GSAP: variants seen among roughly 807,000 people sequenced by gnomAD.
GSAP encodes the protein gamma-secretase activating protein.
GSAP carries 118 observed loss-of-function variants against 131.7 expected under a neutral mutation model. That is an observed-to-expected ratio of 0.90 (90% CI 0.77 to 1.04). The LOEUF (loss-of-function observed/expected upper bound fraction) is 1.04, where lower values mean the gene tolerates loss of function less well. GSAP is among the 50% of genes least tolerant of loss of function. The probability of loss-of-function intolerance (pLI) is 0.00; values close to 1 mark genes in which losing one functional copy is unlikely to be tolerated. For missense variants in GSAP, 1,019 were observed against 1,013.2 expected, an observed-to-expected ratio of 1.01 and a Z score of -0.08; for synonymous variants, 381 against 363.4, an observed-to-expected ratio of 1.05 and a Z score of -0.55.
At chr7:77,365,779 T>C (rs948839884) in intron 12 of GSAP, among the ~76,000 whole-genome samples, 1 of 152,140 alleles carries the variant, frequency 6.6e-6, no homozygotes, top group Non-Finnish European at 1.5e-5. Flanking sequence ...CAATAGTAGT[T>C]CTGCTGTTAG....
intron 19 of GSAP, among the ~76,000 whole-genome samples, chr7:77,335,421 C>T (rs895731853): frequency 3.3e-5 from 5 of 152,064 alleles, no homozygotes; most frequent in African/African-American, 1.2e-4. Context: ...AAGAAAAATA[C>T]CCCTGAATTA....
chr7:77,341,400 T>C (rs955785514), intron 19 of GSAP, among the ~76,000 whole-genome samples: 1 of 152,136 alleles, frequency 6.6e-6, no homozygotes, highest in Non-Finnish European at 1.5e-5. Context: ...TCCCACCCTA[T>C]AATCCTTTTA....
At chr7:77,384,774 T>A (rs2151056783) in intron 6 of GSAP, among the ~76,000 whole-genome samples, 1 of 152,166 alleles carries the variant, frequency 6.6e-6, no homozygotes, top group East Asian at 1.9e-4. Context: ...ATGGATGTTT[T>A]TGTAAGAAAA....
At chr7:77,328,063 G>A (rs941960183) in intron 22 of GSAP, 1 of 264,354 alleles carries the variant, frequency 3.8e-6, no homozygotes, top group African/African-American at 2.3e-5. Context: ...TAAGTGACTT[G>A]CCCAGGAGCA....
At chr7:77,343,181 G>A (rs1013345680) in intron 19 of GSAP, among the ~76,000 whole-genome samples, 5 of 145,136 alleles carry the variant, frequency 3.4e-5, no homozygotes, top group Non-Finnish European at 7.4e-5. Context: ...TGTGGCAGCT[G>A]CCGCGCTTTA....
intron 19 of GSAP, among the ~76,000 whole-genome samples, chr7:77,339,988 G>A (rs1790663233): frequency 6.6e-6 from 1 of 152,156 alleles, no homozygotes; most frequent in Admixed American, 6.5e-5. Context: ...TGACCTACAC[G>A]TATACATCCA....
intron 19 of GSAP, among the ~76,000 whole-genome samples, chr7:77,337,500 A>G (rs919721975): frequency 6.6e-6 from 1 of 152,208 alleles, no homozygotes; most frequent in Admixed American, 6.5e-5. Context: ...CCAGTGAAGA[A>G]GCAGATAAAC....
chr7:77,374,833 A>T (rs2150995102), intron 11 of GSAP, among the ~76,000 whole-genome samples: 1 of 152,334 alleles, frequency 6.6e-6, no homozygotes, highest in African/African-American at 2.4e-5. Context: ...GATGCACTAC[A>T]GAAATAAATG....
At chr7:77,323,027 A>G (rs1167875232) in intron 24 of GSAP, among the ~76,000 whole-genome samples, 2 of 152,188 alleles carry the variant, frequency 1.3e-5, no homozygotes, top group Non-Finnish European at 2.9e-5. Flanking sequence ...GAATTTGTCA[A>G]ACATTATTTC....
Position 77,346,988 on chromosome 7 carries a change from T to TC in GSAP, c.1545+2362dup, listed in dbSNP as rs1266473702. On this transcript the variant is annotated intron_variant, in intron 19 of 30. Coordinates refer to ENST00000257626, the MANE Select transcript of GSAP (RefSeq NM_017439.4). ...TTTCTGATTGCAGATCTTAAGACCC[T>TC]CCCCTAAGAGGGTCCTGCCTCATAC... Among the ~76,000 whole-genome samples, 7 of 92,398 alleles carry TC rather than the reference T, an allele frequency of 7.6e-5. No individual in the cohort carries two copies. In the East Asian group the frequency reaches 2.7e-3, roughly 35 times the overall value. 60.6% of individuals were successfully genotyped at this position (92,398 alleles called of 152,430 possible). A position where few individuals can be genotyped will look rare whatever the true frequency, so the allele number is the denominator to read the frequency against.
intron 5 of GSAP, 152 bp from the exon 6 acceptor site, chr7:77,387,600 G>A (rs1255152273): frequency 5.0e-6 from 3 of 597,260 alleles, no homozygotes; most frequent in Non-Finnish European, 8.9e-6. Flanking sequence ...GTCCTGTGAG[G>A]AGACTGAAAC....
intron 19 of GSAP, among the ~76,000 whole-genome samples, chr7:77,345,274 C>G (rs1046970428): frequency 2.6e-5 from 4 of 152,182 alleles, no homozygotes; most frequent in African/African-American, 7.2e-5. Context: ...ACCACAAAAT[C>G]TTCCTTCAGC....
intron 19 of GSAP, among the ~76,000 whole-genome samples, chr7:77,345,822 A>G (rs1791718398): frequency 6.6e-6 from 1 of 152,110 alleles, no homozygotes; most frequent in African/African-American, 2.4e-5. Flanking sequence ...GGTGATTAAA[A>G]AGCTCTATTG....
chr7:77,387,606 G>A (rs2151073258), intron 5 of GSAP, among the ~76,000 whole-genome samples, 158 bp from the exon 6 acceptor site: 1 of 152,280 alleles, frequency 6.6e-6, no homozygotes, highest in African/African-American at 2.4e-5. Context: ...TGAGGAGACT[G>A]AAACTGTAAA....
At chr7:77,378,089 C>T (rs945059009) in intron 8 of GSAP, among the ~76,000 whole-genome samples, 1 of 152,184 alleles carries the variant, frequency 6.6e-6, no homozygotes, top group African/African-American at 2.4e-5. Context: ...ATGCTATAAG[C>T]CTCCCCCAGT....
chr7:77,399,686 T>G (rs184576134), intron 3 of GSAP, among the ~76,000 whole-genome samples: 59 of 142,450 alleles, frequency 4.1e-4, no homozygotes, highest in African/African-American at 1.1e-3. Context: ...GTGAGACCAT[T>G]AACTCAAAAC....
chr7:77,391,998 G>A (rs900646071), intron 5 of GSAP, among the ~76,000 whole-genome samples: 1 of 152,282 alleles, frequency 6.6e-6, no homozygotes, highest in African/African-American at 2.4e-5. Flanking sequence ...GCCAAGGCGG[G>A]TGGATCACCT....
intron 5 of GSAP, among the ~76,000 whole-genome samples, chr7:77,394,184 C>T (rs1275594190): frequency 2.0e-5 from 3 of 152,190 alleles, no homozygotes; most frequent in Non-Finnish European, 2.9e-5. Flanking sequence ...TCCAATTTTA[C>T]TAGGAATGAG....
At chr7:77,380,026 A>AATATGTTATTG in intron 8 of GSAP, 1 of 507,452 alleles carries the variant, frequency 2.0e-6, no homozygotes, top group Non-Finnish European at 2.5e-6. Context: ...AATCATTTTT[A>AATATGTTATTG]ATATCAATAA....
Sources: gnomAD v4.1 joint callset for allele counts (sites outside exome capture counted in the v4.1 genomes callset) on GRCh38, gnomAD v4.1.1 for gene constraint, MANE v1.5 for transcripts, NCBI Gene and HGNC (gene_info 2026-07-23, HGNC 2026-07-21) for gene names.